The following DPYD variants were observed in gnomAD, a reference collection of about 807,000 sequenced individuals.
DPYD encodes dihydropyrimidine dehydrogenase [NADP(+)].
Under a neutral mutation model 116.2 loss-of-function variants are expected in DPYD, and 109 were observed. The observed-to-expected ratio is 0.94, with a 90% CI of 0.80 to 1.10. The LOEUF is 1.10. Ranked by LOEUF, DPYD falls within the 50% of genes least tolerant of loss-of-function variation. DPYD has a pLI of 0.00. For missense variants in DPYD, 1,302 were observed against 1,254.5 expected (o/e 1.04, Z -0.57); for synonymous variants, 440 against 432.0 (o/e 1.02, Z -0.23).
At chr1:97,101,983 T>C (rs1325628722) in intron 20 of DPYD, among the ~76,000 whole-genome samples, 1 of 151,912 alleles carries the variant, frequency 6.6e-6, no homozygotes, top group East Asian at 1.9e-4. Flanking sequence ...TCTATCCAGA[T>C]ATAAAAAAAG....
intron 20 of DPYD, among the ~76,000 whole-genome samples, chr1:97,174,314 T>G (rs929967659): frequency 1.3e-5 from 2 of 152,132 alleles, no homozygotes; most frequent in African/African-American, 4.8e-5. Flanking sequence ...CCAAAAGACC[T>G]AATCAAATTT....
intron 2 of DPYD, among the ~76,000 whole-genome samples, chr1:97,876,096 T>A (rs1056924100): frequency 7.2e-5 from 11 of 152,012 alleles, no homozygotes; most frequent in Non-Finnish European, 1.5e-4. Flanking sequence ...TAATATATTA[T>A]TCACAGTAAA....
intron 18 of DPYD, among the ~76,000 whole-genome samples, chr1:97,236,853 T>C (rs1661967816): frequency 6.6e-6 from 1 of 152,184 alleles, no homozygotes; most frequent in African/African-American, 2.4e-5. Context: ...GTTGGAGCAG[T>C]GGATATATTG....
At chr1:97,673,839 G>T (rs1660001979) in intron 8 of DPYD, among the ~76,000 whole-genome samples, 1 of 152,060 alleles carries the variant, frequency 6.6e-6, no homozygotes, top group Non-Finnish European at 1.5e-5. Flanking sequence ...TCGAAGTCAA[G>T]AACACAAATA....
intron 13 of DPYD, among the ~76,000 whole-genome samples, chr1:97,452,789 C>G (rs1374337914): frequency 6.6e-6 from 1 of 152,078 alleles, no homozygotes; most frequent in Non-Finnish European, 1.5e-5. Context: ...CCTTCCCCTT[C>G]TGCCTTGATT....
intron 7 of DPYD, among the ~76,000 whole-genome samples, chr1:97,685,713 T>C (rs1426255346): frequency 6.6e-6 from 1 of 152,060 alleles, no homozygotes; most frequent in Non-Finnish European, 1.5e-5. Flanking sequence ...AACCAAATCA[T>C]GAATGAACTC....
At chr1:97,480,890 G>A (rs1678258262) in intron 13 of DPYD, among the ~76,000 whole-genome samples, 1 of 152,088 alleles carries the variant, frequency 6.6e-6, no homozygotes, top group African/African-American at 2.4e-5. Flanking sequence ...TGAGGTAGGA[G>A]AATTGCTTGA....
chr1:97,387,397 T>C (rs1672412221), intron 14 of DPYD, among the ~76,000 whole-genome samples: 1 of 152,078 alleles, frequency 6.6e-6, no homozygotes, highest in Non-Finnish European at 1.5e-5. Context: ...CCAACAGCTG[T>C]TCTAACTCAG....
intron 2 of DPYD, among the ~76,000 whole-genome samples, chr1:97,881,249 G>A (rs1404491751): frequency 1.3e-5 from 2 of 152,016 alleles, no homozygotes; most frequent in East Asian, 1.9e-4. Context: ...CAATATAGCC[G>A]ATGTCCTTAT....
chr1:97,430,466 T>C (rs1335576972), intron 14 of DPYD, among the ~76,000 whole-genome samples: 1 of 152,272 alleles, frequency 6.6e-6, no homozygotes, highest in East Asian at 1.9e-4. Flanking sequence ...GCATATGTCC[T>C]TTATTTATAA....
chr1:97,570,978 TTTAA>T (rs1292887806), intron 11 of DPYD, among the ~76,000 whole-genome samples: 3 of 151,880 alleles, frequency 2.0e-5, no homozygotes, highest in Non-Finnish European at 4.4e-5. Context: ...GAAAACTAGA[TTTAA>T]GAGTCATTTT....
intron 20 of DPYD, among the ~76,000 whole-genome samples, chr1:97,179,907 C>A (rs960603178): frequency 1.3e-5 from 2 of 151,846 alleles, no homozygotes; most frequent in African/African-American, 4.8e-5. Context: ...AACAGAGTAA[C>A]CAGGTTTCTA....
intron 1 of DPYD, among the ~76,000 whole-genome samples, chr1:97,920,194 G>A (rs1296110484): frequency 6.6e-6 from 1 of 152,108 alleles, no homozygotes; most frequent in African/African-American, 2.4e-5. Context: ...GAAATGCCAT[G>A]TCGTTTCAGG....
intron 16 of DPYD, among the ~76,000 whole-genome samples, chr1:97,333,517 A>ATTT (rs778577478): frequency 0.034 from 3,252 of 96,958 alleles, 293 homozygotes; most frequent in African/African-American, 0.12. Flanking sequence ...AAGTCTTAGG[A>ATTT]TTTTTTTTTT....
chr1:97,650,135 C>T lies in DPYD; in HGVS notation c.850+28960G>A, dbSNP rs140719119. On this transcript the variant is annotated intron_variant, in intron 8 of 22. Transcript: ENST00000370192. ...TTAGGGGATGTTCCCTTAGAATGCACCCTCATAGCCCCTTACATTTCTGCT... is the reference window on the plus strand; with the variant it reads ...TTAGGGGATGTTCCCTTAGAATGCATCCTCATAGCCCCTTACATTTCTGCT... Among the ~76,000 whole-genome samples the T allele has an allele frequency of 2.4e-3, 362 of 152,120 alleles. 1 individual carries two copies. Among genetic ancestry groups the T allele is most frequent in the Non-Finnish European group, 3.6e-3 (242 of 67,968 alleles).
intron 18 of DPYD, among the ~76,000 whole-genome samples, chr1:97,269,304 G>T (rs1664426734): frequency 6.6e-6 from 1 of 152,034 alleles, no homozygotes; most frequent in Admixed American, 6.6e-5. Context: ...GAAGATTTAG[G>T]CTCTCCCTGT....
chr1:97,259,137 T>C (rs1415925225), intron 18 of DPYD, among the ~76,000 whole-genome samples: 1 of 152,100 alleles, frequency 6.6e-6, no homozygotes, highest in Non-Finnish European at 1.5e-5. Flanking sequence ...CTATTACTTA[T>C]GTTTTGGTTT....
intron 8 of DPYD, among the ~76,000 whole-genome samples, chr1:97,613,982 G>A (rs1254469140): frequency 6.6e-6 from 1 of 151,964 alleles, no homozygotes; most frequent in Non-Finnish European, 1.5e-5. Flanking sequence ...GATCTTACTT[G>A]TAATCTCAGC....
At chr1:97,669,587 T>C (rs963467132) in intron 8 of DPYD, among the ~76,000 whole-genome samples, 1 of 152,168 alleles carries the variant, frequency 6.6e-6, no homozygotes, top group Non-Finnish European at 1.5e-5. Context: ...CCTTAAAAGC[T>C]TTGGTCTTGC....
Sources: allele counts gnomAD v4.1 joint callset (sites outside exome capture counted in the v4.1 genomes callset), GRCh38; gene constraint gnomAD v4.1.1; transcripts MANE v1.5; gene names NCBI Gene and HGNC (gene_info 2026-07-23, HGNC 2026-07-21).